KLRG2: variants seen among roughly 807,000 people sequenced by gnomAD.
KLRG2 encodes the protein killer cell lectin-like receptor subfamily G member 2.
KLRG2 carries 39 observed loss-of-function variants against 35.4 expected under a neutral mutation model. That is an observed-to-expected ratio of 1.10 (90% CI 0.85 to 1.44). The LOEUF (loss-of-function observed/expected upper bound fraction) is 1.44, where lower values mean the gene tolerates loss of function less well. Among genes scored for constraint, KLRG2 ranks in the 40% most tolerant of loss-of-function variants. The pLI is 0.00. For missense variants in KLRG2, 632 were observed against 570.9 expected (o/e 1.11, Z -1.09); for synonymous variants, 283 against 265.8 (o/e 1.06, Z -0.63).
downstream of KLRG2, among the ~76,000 whole-genome samples, chr7:139,449,514 AAC>A (rs761576230): frequency 3.3e-5 from 5 of 152,146 alleles, no homozygotes; most frequent in African/African-American, 7.2e-5. Flanking sequence ...AGACTTTATA[AAC>A]ACTGCACACT....
At chr7:139,429,858 T>C in the KLRG2 span, among the ~76,000 whole-genome samples, 5 of 152,190 alleles carry the variant, frequency 3.3e-5, no homozygotes, top group Non-Finnish European at 5.9e-5. Flanking sequence ...GCCATTGTCA[T>C]CATGGCCCGT....
At chr7:139,461,659 A>G (rs1311759240) in intron 3 of KLRG2, among the ~76,000 whole-genome samples, 21 of 151,970 alleles carry the variant, frequency 1.4e-4, no homozygotes, top group Non-Finnish European at 2.6e-4. Context: ...TGAGCACCTT[A>G]TGACCCCCGC....
chr7:139,462,974 C>T (rs986507636), intron 3 of KLRG2, among the ~76,000 whole-genome samples: 4 of 152,170 alleles, frequency 2.6e-5, no homozygotes, highest in Non-Finnish European at 5.9e-5. Flanking sequence ...AGCCTCCGCT[C>T]CCCTACCCTA....
At chr7:139,443,516 A>G in the KLRG2 span, among the ~76,000 whole-genome samples, 1 of 152,198 alleles carries the variant, frequency 6.6e-6, no homozygotes, top group Non-Finnish European at 1.5e-5. Flanking sequence ...AGGGTTCTCT[A>G]GAGGGACAGA....
At chr7:139,477,684 T>C (rs1373175281) in intron 3 of KLRG2, among the ~76,000 whole-genome samples, 2 of 152,164 alleles carry the variant, frequency 1.3e-5, no homozygotes, top group African/African-American at 4.8e-5. Flanking sequence ...CTCAACATTA[T>C]GAATGTATTT....
At chr7:139,449,128 G>A (rs576255970), downstream of KLRG2, among the ~76,000 whole-genome samples, 21 of 148,898 alleles carry the variant, frequency 1.4e-4, no homozygotes, top group African/African-American at 4.5e-4. Context: ...ATTGTTGGGC[G>A]TGGTGGCTCA....
In KLRG2 at chr7:139,483,214, C is replaced by T. The variant is rs775177877; in HGVS notation, c.429G>A (p.Ser143=). 1.1e-4 allele frequency: 163 copies of T among 1,529,984 alleles called. No homozygotes were observed. The highest frequency in any genetic ancestry group is 1.3e-4 in the Non-Finnish European group (153 of 1,148,556). The allele number at this position is 1,529,984 out of a possible 1,614,324, so 94.8% of individuals were successfully genotyped here. ...TGAGGAAGCGCGTGGAGGGCCTGGGCGATGGCGTGCTGCTGCCACCGGCCG... is the reference window on the plus strand; with the variant it reads ...TGAGGAAGCGCGTGGAGGGCCTGGGTGATGGCGTGCTGCTGCCACCGGCCG... ...VGAAGGSSTP[S]PRPSTRFLKV... The change falls in exon 1 of 5, where the codon TCG becomes TCA. Residue 143 remains serine (S), a synonymous_variant. Coordinates refer to ENST00000340940, the MANE Select transcript of KLRG2 (RefSeq NM_198508.4).
At chr7:139,437,008 G>C in the KLRG2 span, among the ~76,000 whole-genome samples, 2 of 152,180 alleles carry the variant, frequency 1.3e-5, no homozygotes, top group African/African-American at 4.8e-5. Flanking sequence ...GGTGAGGCCG[G>C]AGCTTGACAG....
chr7:139,458,937 C>A (rs1397916173), intron 3 of KLRG2, among the ~76,000 whole-genome samples: 6 of 152,206 alleles, frequency 3.9e-5, no homozygotes, highest in Non-Finnish European at 8.8e-5. Flanking sequence ...CTGTCCTCCC[C>A]ACCCTGCCTC....
downstream of KLRG2, among the ~76,000 whole-genome samples, chr7:139,450,975 G>C (rs10268157): frequency 0.02 from 3,105 of 152,264 alleles, 96 homozygotes; most frequent in African/African-American, 0.071. Flanking sequence ...GCCATGCTAT[G>C]AGGAAGTCCA....
At chr7:139,457,307 C>T (rs17160914) in intron 3 of KLRG2, among the ~76,000 whole-genome samples, 10,124 of 152,146 alleles carry the variant, frequency 0.067, 609 homozygotes, top group East Asian at 0.36. Flanking sequence ...CGGCCCAACA[C>T]CGTCTTCCTG....
chr7:139,483,442 C>T lies in KLRG2; in HGVS notation c.201G>A (p.Lys67=). The change falls in exon 1 of 5, where the codon AAG becomes AAA. Residue 67 remains lysine, a synonymous_variant. Transcript: ENST00000340940. ...AAGAGLEPSS[K]KKPPSPRPGS... The stretch of plus-strand genomic sequence containing the variant: ...CGGGGCGAGGCGAAGGCGGCTTTTT[C>T]TTGCTCGAGGGCTCCAGGCCTGCGC... 1 of 1,573,566 alleles carries T rather than the reference C, an allele frequency of 6.4e-7. No individual in the cohort carries two copies. The highest frequency in any genetic ancestry group is 2.4e-5 in the East Asian group (1 of 42,274).
chr7:139,449,338 T>C (rs1040683067), downstream of KLRG2, among the ~76,000 whole-genome samples: 2 of 151,584 alleles, frequency 1.3e-5, no homozygotes, highest in Non-Finnish European at 2.9e-5. Flanking sequence ...GAGGTGGAGG[T>C]TGCAGTGAGC....
chr7:139,465,474 C>T lies in KLRG2; in HGVS notation c.1006-11260G>A, dbSNP rs185016648. The stretch of plus-strand genomic sequence containing the variant: ...TTGGGAGGCCGAGGTGGGTGGATCA[C>T]AAGGTCAGGAGATCGAGACCATCCT... On this transcript the variant is annotated intron_variant, in intron 3 of 4. Transcript: ENST00000340940. 7.3e-4 allele frequency among the ~76,000 whole-genome samples: 111 copies of T among 152,218 alleles called. 1 individual carries two copies. Among genetic ancestry groups the T allele is most frequent in the African/African-American group, 2.5e-3 (104 of 41,538 alleles).
chr7:139,450,667 T>G (rs748218772), downstream of KLRG2, among the ~76,000 whole-genome samples: 1 of 152,228 alleles, frequency 6.6e-6, no homozygotes, highest in Admixed American at 6.5e-5. Context: ...AGTTATACCT[T>G]CTGGGATGGG....
At chr7:139,477,311 T>C in intron 3 of KLRG2, among the ~76,000 whole-genome samples, 1 of 152,090 alleles carries the variant, frequency 6.6e-6, no homozygotes, top group South Asian at 2.1e-4. Flanking sequence ...AACCCAAACA[T>C]GGAAGCAACC....
Position 139,482,993 on chromosome 7 carries a change from G to A in KLRG2, c.650C>T (p.Thr217Met). The change falls in exon 1 of 5, where the codon ACG becomes ATG. Residue 217 changes from threonine to methionine, a missense_variant. Transcript: ENST00000340940. ...CCCCAGCTCCTTGCAGCGGCAGCACGTGGGGGAGCCCGGGGAGCCGGCGCT... is the reference window on the plus strand; with the variant it reads ...CCCCAGCTCCTTGCAGCGGCAGCACATGGGGGAGCCCGGGGAGCCGGCGCT... ...EGSAGSPGSP[T>M]CCRCKELGLE... is the part of the protein sequence containing the mutation. The A allele has an allele frequency of 1.4e-6, 2 of 1,393,974 alleles. No individual in the cohort carries two copies. Among genetic ancestry groups the A allele is most frequent in the Non-Finnish European group, 1.8e-6 (2 of 1,082,508 alleles). 86.4% of individuals were successfully genotyped at this position (1,393,974 alleles called of 1,614,324 possible).
At chr7:139,427,950 G>C in the KLRG2 span, among the ~76,000 whole-genome samples, 58,397 of 152,118 alleles carry the variant, frequency 0.38, 15,639 homozygotes, top group African/African-American at 0.76. Context: ...GGAAGCTGAG[G>C]CATGCTGAGT....
the KLRG2 span, among the ~76,000 whole-genome samples, chr7:139,433,055 G>A: frequency 6.6e-6 from 1 of 152,106 alleles, no homozygotes. Context: ...AACCACTTTA[G>A]GTGCTTTCTG....
Sources: allele counts gnomAD v4.1 joint callset (sites outside exome capture counted in the v4.1 genomes callset), GRCh38; gene constraint gnomAD v4.1.1; transcripts MANE v1.5; gene names NCBI Gene and HGNC (gene_info 2026-07-23, HGNC 2026-07-21).